Variants in PCDH9 observed in about 807,000 individuals in gnomAD.
The protein encoded by PCDH9 is protocadherin 9.
In PCDH9, 24 loss-of-function variants were observed where a neutral mutation model predicts 70.6. The observed-to-expected ratio is 0.34, with a 90% CI of 0.25 to 0.48. The LOEUF (loss-of-function observed/expected upper bound fraction) is 0.48, where lower values mean the gene tolerates loss of function less well. Ranked by LOEUF, PCDH9 falls within the 20% of genes least tolerant of loss-of-function variation. PCDH9 has a pLI of 0.99. For missense variants in PCDH9, 1,281 were observed against 1,503.6 expected, an observed-to-expected ratio of 0.85 and a Z score of 2.45; for synonymous variants, 562 against 558.5, an observed-to-expected ratio of 1.01 and a Z score of -0.09.
chr13:67,048,714 G>T (rs945746999), intron 2 of PCDH9, among the ~76,000 whole-genome samples: 5 of 152,210 alleles, frequency 3.3e-5, no homozygotes, highest in African/African-American at 4.8e-5. Flanking sequence ...AGTAAAGCCT[G>T]TACCTTTCCC....
At chr13:66,341,331 C>G (rs1022675490) in intron 4 of PCDH9, among the ~76,000 whole-genome samples, 10 of 152,162 alleles carry the variant, frequency 6.6e-5, no homozygotes, top group African/African-American at 2.2e-4. Context: ...TGAGCTCAAG[C>G]AATCCTCCTG....
intron 2 of PCDH9, among the ~76,000 whole-genome samples, chr13:66,971,333 C>T (rs2083518635): frequency 6.6e-6 from 1 of 151,968 alleles, no homozygotes; most frequent in Non-Finnish European, 1.5e-5. Context: ...CCATAATATG[C>T]AAATGAATAT....
chr13:67,098,249 T>C (rs926650853), intron 2 of PCDH9, among the ~76,000 whole-genome samples: 2 of 152,188 alleles, frequency 1.3e-5, no homozygotes, highest in Non-Finnish European at 2.9e-5. Context: ...AAAATACTTA[T>C]GAAATCTCTG....
intron 2 of PCDH9, chr13:67,219,362 C>T (rs755700283): frequency 6.6e-6 from 1 of 152,012 alleles, no homozygotes; most frequent in Non-Finnish European, 1.5e-5. Flanking sequence ...GCATGTGTTC[C>T]TTTCTAAATG....
At chr13:66,419,763 G>GTT (rs35437080) in intron 4 of PCDH9, among the ~76,000 whole-genome samples, 34 of 142,320 alleles carry the variant, frequency 2.4e-4, no homozygotes, top group African/African-American at 2.3e-4. Context: ...AGCTGCAGGA[G>GTT]TTTTTTTTTT....
intron 4 of PCDH9, among the ~76,000 whole-genome samples, chr13:66,327,723 T>G (rs1410965377): frequency 2.6e-5 from 4 of 152,222 alleles, no homozygotes; most frequent in Non-Finnish European, 5.9e-5. Context: ...TTATGAAGTA[T>G]AATACCTGAT....
rs116440370 is a variant in PCDH9, at chr13:67,081,104, T to G, written c.3036+144301A>C. Among the ~76,000 whole-genome samples, 323 of 152,330 alleles carry G rather than the reference T, an allele frequency of 2.1e-3. 2 individuals carry two copies. Among genetic ancestry groups the G allele is most frequent in the African/African-American group, 7.5e-3 (313 of 41,596 alleles). On this transcript the variant is annotated intron_variant, in intron 2 of 4. Transcript: ENST00000377865. ...TTGAAAAAAAGATATCCATATGTAT[T>G]GTTTTATGGATTCAATGTTGTTCAA...
At chr13:66,624,151 T>C (rs1192263539) in intron 4 of PCDH9, among the ~76,000 whole-genome samples, 1 of 152,224 alleles carries the variant, frequency 6.6e-6, no homozygotes, top group Non-Finnish European at 1.5e-5. Flanking sequence ...TAACTGTTCC[T>C]GATCTGAACA....
Position 67,171,045 on chromosome 13 carries a change from T to C in PCDH9, c.3036+54360A>G, listed in dbSNP as rs182103719. On this transcript the variant is annotated intron_variant, in intron 2 of 4. Coordinates refer to ENST00000377865, the MANE Select transcript of PCDH9 (RefSeq NM_203487.3). ...CTGTCAAAGGGTGATGTCATAAAGT[T>C]TGGCAACTCCTGGCCGAAATGACTT... Among the ~76,000 whole-genome samples the C allele has an allele frequency of 7.8e-4, 119 of 152,294 alleles. 1 individual carries two copies. The highest frequency in any genetic ancestry group is 2.7e-3 in the African/African-American group (113 of 41,580).
intron 2 of PCDH9, among the ~76,000 whole-genome samples, chr13:67,038,144 G>C (rs1297116021): frequency 3.9e-5 from 6 of 152,162 alleles, no homozygotes; most frequent in Admixed American, 3.9e-4. Flanking sequence ...GTAAATAACA[G>C]TTCATAAGTA....
chr13:66,575,145 C>T (rs192732379), intron 4 of PCDH9, among the ~76,000 whole-genome samples: 32 of 151,956 alleles, frequency 2.1e-4, no homozygotes, highest in African/African-American at 5.5e-4. Context: ...TGCACTCCAG[C>T]CAGGGTGACA....
chr13:67,103,796 C>A (rs1433595002), intron 2 of PCDH9, among the ~76,000 whole-genome samples: 16 of 151,244 alleles, frequency 1.1e-4, no homozygotes, highest in Non-Finnish European at 1.5e-5. Context: ...GGAATTCCTA[C>A]ATCATTGACT....
intron 4 of PCDH9, among the ~76,000 whole-genome samples, chr13:66,488,648 TAGA>T (rs1398765818): frequency 2.6e-5 from 4 of 152,128 alleles, no homozygotes; most frequent in Non-Finnish European, 4.4e-5. Context: ...TATGTATTAG[TAGA>T]AGAATAATTT....
chr13:66,339,225 A>G (rs994398435), intron 4 of PCDH9, among the ~76,000 whole-genome samples: 2 of 150,738 alleles, frequency 1.3e-5, no homozygotes, highest in African/African-American at 2.4e-5. Flanking sequence ...TGTAGTAATG[A>G]GAACAACAAC....
intron 3 of PCDH9, among the ~76,000 whole-genome samples, chr13:66,646,935 C>A (rs866564669): frequency 6.6e-6 from 1 of 152,056 alleles, no homozygotes; most frequent in Non-Finnish European, 1.5e-5. Flanking sequence ...TGCATTGGAA[C>A]TCGGTGCTGC....
rs962326286 is a variant in PCDH9 at position 66,630,501 on chromosome 13, C to T, written c.3340+709G>A. On this transcript the variant is annotated intron_variant, in intron 4 of 4. Coordinates refer to ENST00000377865, the MANE Select transcript of PCDH9 (RefSeq NM_203487.3). ...TTCCTCCAAAGGCCAAGGAAAACAC[C>T]CCCCAACAATGCTTATTTGGAGTGG... 6.6e-5 allele frequency among the ~76,000 whole-genome samples: 10 copies of T among 152,080 alleles called. No homozygotes were observed. In the South Asian group the frequency reaches 2.1e-3, roughly 32 times the overall value.
chr13:66,908,807 T>G (rs1262241756), intron 2 of PCDH9, among the ~76,000 whole-genome samples: 1 of 152,170 alleles, frequency 6.6e-6, no homozygotes, highest in African/African-American at 2.4e-5. Flanking sequence ...GGAGCTAAAA[T>G]GCTCATCAAA....
At chr13:66,325,535 T>G (rs1394136402) in intron 4 of PCDH9, among the ~76,000 whole-genome samples, 1 of 152,136 alleles carries the variant, frequency 6.6e-6, no homozygotes, top group Non-Finnish European at 1.5e-5. Context: ...GTTAAATTTC[T>G]GATTTTCTTT....
intron 2 of PCDH9, among the ~76,000 whole-genome samples, chr13:66,995,078 C>A (rs1042138062): frequency 1.3e-5 from 2 of 152,190 alleles, no homozygotes; most frequent in African/African-American, 4.8e-5. Flanking sequence ...ACGGAGGGTG[C>A]TGACAGCTCT....
Sources: gnomAD v4.1 joint callset for allele counts (sites outside exome capture counted in the v4.1 genomes callset) on GRCh38, gnomAD v4.1.1 for gene constraint, MANE v1.5 for transcripts, NCBI Gene and HGNC (gene_info 2026-07-23, HGNC 2026-07-21) for gene names.